Variants in TRIP11 observed in about 807,000 individuals in gnomAD.
TRIP11 encodes thyroid hormone receptor interactor 11.
Under a neutral mutation model 223.1 loss-of-function variants are expected in TRIP11, and 148 were observed. That is an observed-to-expected ratio of 0.66 (90% CI 0.58 to 0.76). The LOEUF (loss-of-function observed/expected upper bound fraction) is 0.76, where lower values mean the gene tolerates loss of function less well. TRIP11 is among the 30% of genes least tolerant of loss of function. The pLI is 0.00. For missense variants in TRIP11, 2,043 were observed against 2,222.0 expected (o/e 0.92, Z 1.62); for synonymous variants, 762 against 772.6 (o/e 0.99, Z 0.23).
intron 11 of TRIP11, 115 bp from the exon 12 acceptor site, chr14:92,000,223 C>T (rs890730683): frequency 5.4e-6 from 8 of 1,478,502 alleles, no homozygotes; most frequent in East Asian, 2.5e-5. Flanking sequence ...GGCAGCCTCC[C>T]GATTTACTCT....
chr14:92,006,818 G>A (rs549220862), intron 10 of TRIP11, among the ~76,000 whole-genome samples: 119 of 151,968 alleles, frequency 7.8e-4, no homozygotes, highest in African/African-American at 2.8e-3. Context: ...ACAGGCATGC[G>A]CCACCACACC....
In TRIP11 at chr14:92,004,277, T is replaced by C; in HGVS notation, c.3699A>G (p.Gln1233=). Residue 1233 remains glutamine (Q), a synonymous_variant, in exon 11 of 21, where the codon CAA becomes CAG. Coordinates refer to ENST00000267622, the MANE Select transcript of TRIP11 (RefSeq NM_004239.4). Reference sequence around the variant, plus strand: ...GCTGGGCTGACTCGTGTTGCATATTTTGTACTGTGGTCATCACCTGCTGCT... The same window carrying C: ...GCTGGGCTGACTCGTGTTGCATATTCTGTACTGTGGTCATCACCTGCTGCT... ...EWKQQVMTTV[Q]NMQHESAQLQ... is the part of the protein sequence containing the mutation. The C allele has an allele frequency of 3.1e-6, 5 of 1,614,142 alleles. No individual in the cohort carries two copies. Among genetic ancestry groups the C allele is most frequent in the Non-Finnish European group, 4.2e-6 (5 of 1,180,028 alleles).
intron 11 of TRIP11, among the ~76,000 whole-genome samples, chr14:92,001,761 C>T (rs2056829892): frequency 6.6e-6 from 1 of 152,194 alleles, no homozygotes; most frequent in Non-Finnish European, 1.5e-5. Flanking sequence ...CTCTGTTCTA[C>T]TCTTATAACC....
At chr14:92,011,917 A>C (rs1294300365) in intron 7 of TRIP11, 122 bp from the exon 8 acceptor site, 3 of 794,976 alleles carry the variant, frequency 3.8e-6, no homozygotes, top group Non-Finnish European at 6.3e-6. Context: ...AAGCAGTAAC[A>C]GTTCTGAGTG....
intron 16 of TRIP11, among the ~76,000 whole-genome samples, chr14:91,977,934 G>C (rs1441004404): frequency 6.6e-6 from 1 of 152,124 alleles, no homozygotes; most frequent in Non-Finnish European, 1.5e-5. Context: ...AGAGATGGTT[G>C]CCATAACCAT....
In TRIP11 at chr14:91,992,331, G is replaced by A. The variant is rs75844171; in HGVS notation, c.5160+1478C>T. Reference sequence around the variant, plus strand: ...GCCTAAGAGGTGGAAGATGAGAATGGGATGTGAAGGGGTGCATAAGGAACT... The same window carrying A: ...GCCTAAGAGGTGGAAGATGAGAATGAGATGTGAAGGGGTGCATAAGGAACT... On this transcript the variant is annotated intron_variant, in intron 15 of 20. Transcript: ENST00000267622. Among the ~76,000 whole-genome samples the A allele has an allele frequency of 4.0e-3, 612 of 152,166 alleles. 3 individuals carry two copies. Among genetic ancestry groups the A allele is most frequent in the African/African-American group, 0.014 (579 of 41,520 alleles).
At chr14:91,989,886 A>G (rs1430372885) in intron 15 of TRIP11, among the ~76,000 whole-genome samples, 2 of 152,132 alleles carry the variant, frequency 1.3e-5, no homozygotes, top group Admixed American at 6.5e-5. Flanking sequence ...GGTTCCGCCT[A>G]TGCCTATGGA....
chr14:91,980,305 T>C (rs569530659), intron 16 of TRIP11, among the ~76,000 whole-genome samples: 3 of 152,342 alleles, frequency 2.0e-5, no homozygotes, highest in African/African-American at 4.8e-5. Context: ...AAATGAATCA[T>C]ACTGCTTACA....
chr14:91,967,648 T>C lies in TRIP11; in HGVS notation c.*2025A>G. 1 of 196,360 alleles carries C rather than the reference T, an allele frequency of 5.1e-6. No homozygotes were observed. Among genetic ancestry groups the C allele is most frequent in the Non-Finnish European group, 1.1e-5 (1 of 94,634 alleles). 12.2% of individuals were successfully genotyped at this position (196,360 alleles called of 1,614,324 possible). On this transcript the variant is annotated 3_prime_UTR_variant, in exon 21 of 21. Coordinates refer to ENST00000267622, the MANE Select transcript of TRIP11 (RefSeq NM_004239.4). ...CATTTCAAATATGATGACATACTAC[T>C]TAAATACCAACCATGCATCTCTTTT...
intron 3 of TRIP11, among the ~76,000 whole-genome samples, chr14:92,022,048 T>C (rs1248406103): frequency 6.6e-6 from 1 of 152,216 alleles, no homozygotes; most frequent in African/African-American, 2.4e-5. Flanking sequence ...TTACAAATAG[T>C]AGAAATATCA....
At chr14:91,982,479 G>T (rs1201724117) in intron 16 of TRIP11, among the ~76,000 whole-genome samples, 5 of 152,052 alleles carry the variant, frequency 3.3e-5, no homozygotes, top group African/African-American at 7.3e-5. Flanking sequence ...GGGAGAGGGG[G>T]AGAAGGGCTG....
chr14:92,005,513 T>C lies in TRIP11; in HGVS notation c.2463A>G (p.Lys821=). The C allele has an allele frequency of 6.2e-7, 1 of 1,612,350 alleles. No homozygotes were observed. The highest frequency in any genetic ancestry group is 1.1e-5 in the South Asian group (1 of 90,250). ...CCTCCTGCAGCTTTGAACTTCTTTCTTTAAGCTTTTCAATAAAAATTTCTT... is the reference window on the plus strand; with the variant it reads ...CCTCCTGCAGCTTTGAACTTCTTTCCTTAAGCTTTTCAATAAAAATTTCTT... ...NKKEIFIEKL[K]ERSSKLQEEL... Residue 821 remains lysine (K), a synonymous_variant, in exon 11 of 21, where the codon AAA becomes AAG. Transcript: ENST00000267622.
At chr14:92,001,010 AC>A (rs1318641435) in intron 11 of TRIP11, among the ~76,000 whole-genome samples, 1 of 151,640 alleles carries the variant, frequency 6.6e-6, no homozygotes, top group African/African-American at 2.4e-5. Context: ...ACAGGCATGC[AC>A]CACCACGTCT....
chr14:91,988,186 A>C, intron 16 of TRIP11, 98 bp downstream of exon 16: 2 of 853,558 alleles, frequency 2.3e-6, no homozygotes, highest in South Asian at 1.5e-5. Flanking sequence ...ACATCAATGA[A>C]GTTGGTCTCA....
intron 14 of TRIP11, among the ~76,000 whole-genome samples, chr14:91,994,823 C>T (rs1337569293): frequency 1.3e-5 from 2 of 152,156 alleles, no homozygotes; most frequent in African/African-American, 2.4e-5. Flanking sequence ...GCTCTGGTTA[C>T]TATTATTGTG....
At chr14:91,972,945 T>G in intron 19 of TRIP11, 84 bp from the exon 20 acceptor site, 2 of 1,159,352 alleles carry the variant, frequency 1.7e-6, no homozygotes, top group Non-Finnish European at 2.4e-6. Flanking sequence ...GCTTTTCTAA[T>G]TAAATATTAA....
At chr14:92,034,282 G>A (rs1008212719) in intron 1 of TRIP11, among the ~76,000 whole-genome samples, 1 of 152,216 alleles carries the variant, frequency 6.6e-6, no homozygotes, top group East Asian at 1.9e-4. Context: ...AATTAGCCGG[G>A]TGTGGTGGCA....
intron 4 of TRIP11, among the ~76,000 whole-genome samples, 184 bp downstream of exon 4, chr14:92,021,372 G>C (rs953981744): frequency 1.4e-5 from 2 of 138,950 alleles, no homozygotes; most frequent in African/African-American, 5.6e-5. Context: ...ATGGGAGACA[G>C]AGCAAGATTC....
intron 2 of TRIP11, among the ~76,000 whole-genome samples, chr14:92,031,155 C>T (rs1195150325): frequency 6.6e-6 from 1 of 151,998 alleles, no homozygotes; most frequent in African/African-American, 2.4e-5. Context: ...GAGATGGAGT[C>T]TTGCTTAGGC....
Sources: allele counts gnomAD v4.1 joint callset (sites outside exome capture counted in the v4.1 genomes callset), GRCh38; gene constraint gnomAD v4.1.1; transcripts MANE v1.5; gene names NCBI Gene and HGNC (gene_info 2026-07-23, HGNC 2026-07-21).